KBTBD12: variants seen among roughly 807,000 people sequenced by gnomAD.
The protein encoded by KBTBD12 is kelch repeat and BTB domain-containing protein 12.
Under a neutral mutation model 58.7 loss-of-function variants are expected in KBTBD12, and 53 were observed. The observed-to-expected ratio is 0.90, with a 90% CI of 0.72 to 1.14. KBTBD12 has a LOEUF of 1.14. KBTBD12 is among the 50% of genes most tolerant of loss of function. The pLI is 0.00. For synonymous variants in KBTBD12, 236 were observed against 259.8 expected (o/e 0.91, Z 0.88); for missense variants, 704 against 751.3 (o/e 0.94, Z 0.74).
At chr3:127,970,785 A>G (rs1346941319) in intron 5 of KBTBD12, among the ~76,000 whole-genome samples, 1 of 152,196 alleles carries the variant, frequency 6.6e-6, no homozygotes, top group Non-Finnish European at 1.5e-5. Flanking sequence ...AAATGGAGAA[A>G]GGGTGAATGG....
intron 5 of KBTBD12, among the ~76,000 whole-genome samples, chr3:127,969,238 C>T (rs1227874840): frequency 5.3e-5 from 8 of 151,978 alleles, no homozygotes; most frequent in Admixed American, 5.2e-4. Flanking sequence ...GGGTGCAGGA[C>T]ATAAGACCAT....
intron 5 of KBTBD12, chr3:127,963,606 T>C: frequency 4.2e-6 from 2 of 472,626 alleles, no homozygotes; most frequent in Non-Finnish European, 7.3e-6. Flanking sequence ...AAATGGAATC[T>C]AGTTTACGGC....
chr3:127,979,340 G>A (rs1367723459), intron 5 of KBTBD12, among the ~76,000 whole-genome samples: 2 of 152,146 alleles, frequency 1.3e-5, no homozygotes, highest in Admixed American at 6.5e-5. Context: ...AAGACTTAGT[G>A]CTCCAGGAAG....
intron 5 of KBTBD12, among the ~76,000 whole-genome samples, chr3:127,968,906 A>G (rs1325976081): frequency 6.6e-6 from 1 of 152,224 alleles, no homozygotes; most frequent in African/African-American, 2.4e-5. Flanking sequence ...TGCTATAGAT[A>G]CTTAACAAAC....
intron 4 of KBTBD12, among the ~76,000 whole-genome samples, chr3:127,957,765 G>C (rs1262893032): frequency 6.6e-6 from 1 of 152,236 alleles, no homozygotes; most frequent in Admixed American, 6.5e-5. Flanking sequence ...TGTAGAAAGT[G>C]TTGGGGATAC....
chr3:127,962,609 T>G (rs1406619496), intron 4 of KBTBD12, among the ~76,000 whole-genome samples: 2 of 152,226 alleles, frequency 1.3e-5, no homozygotes, highest in African/African-American at 4.8e-5. Context: ...AGGCACTTAA[T>G]AATTATCTGA....
At position 127,953,341 on chromosome 3, in the gene KBTBD12, ACTTT is replaced by A. The variant is rs570276086; in HGVS notation, c.1493-9844_1493-9841del. Among the ~76,000 whole-genome samples the A allele has an allele frequency of 7.9e-4, 121 of 152,306 alleles. 1 individual carries two copies. The highest frequency in any genetic ancestry group is 2.8e-3 in the African/African-American group (118 of 41,568). On this transcript the variant is annotated intron_variant, in intron 4 of 5. Transcript: ENST00000405109. ...GGGAGTCAAAGGACTGAGTCTTTCT[ACTTT>A]CTTCATTTCCTCCTATTGTAAACAT...
intron 5 of KBTBD12, among the ~76,000 whole-genome samples, chr3:127,978,950 A>G (rs150841471): frequency 1.6e-4 from 25 of 152,186 alleles, no homozygotes; most frequent in African/African-American, 5.8e-4. Flanking sequence ...GTGATCTCAT[A>G]AAGTTGGACG....
intron 1 of KBTBD12, among the ~76,000 whole-genome samples, chr3:127,918,785 G>A (rs755731018): frequency 2.0e-5 from 3 of 152,110 alleles, no homozygotes; most frequent in Non-Finnish European, 2.9e-5. Flanking sequence ...TAGTAGTTTG[G>A]TACTACTCAA....
rs371378709 is a variant in KBTBD12, at chr3:127,917,821, A to G, written c.-113+2235A>G. Among the ~76,000 whole-genome samples, 41 of 152,358 alleles carry G rather than the reference A, an allele frequency of 2.7e-4. 1 individual carries two copies. The highest frequency in any genetic ancestry group is 9.4e-4 in the African/African-American group (39 of 41,582). On this transcript the variant is annotated intron_variant, in intron 1 of 5. Coordinates refer to ENST00000405109, the MANE Select transcript of KBTBD12 (RefSeq NM_207335.4). ...CATGTACAAAACCTAGAGAAAAGTTATCATTAACTTGTAATTTAGGACTAA... is the reference window on the plus strand; with the variant it reads ...CATGTACAAAACCTAGAGAAAAGTTGTCATTAACTTGTAATTTAGGACTAA...
At chr3:127,976,691 C>A (rs1195286057) in intron 5 of KBTBD12, among the ~76,000 whole-genome samples, 1 of 152,168 alleles carries the variant, frequency 6.6e-6, no homozygotes, top group African/African-American at 2.4e-5. Context: ...TCCTGTAAAA[C>A]CATGCAGTTC....
At chr3:127,928,192 A>G (rs1233626670) in intron 3 of KBTBD12, 158 bp downstream of exon 3, 1 of 637,452 alleles carries the variant, frequency 1.6e-6, no homozygotes, top group Non-Finnish European at 2.7e-6. Context: ...TTAAAGTGTT[A>G]AAGCAATTTA....
At chr3:127,950,708 A>C (rs941479840) in intron 4 of KBTBD12, among the ~76,000 whole-genome samples, 2 of 152,132 alleles carry the variant, frequency 1.3e-5, no homozygotes, top group African/African-American at 4.8e-5. Context: ...GGATCAGCTA[A>C]CTCACTCCAC....
chr3:127,937,905 T>G (rs1374849952), intron 4 of KBTBD12, among the ~76,000 whole-genome samples: 2 of 152,196 alleles, frequency 1.3e-5, no homozygotes, highest in Non-Finnish European at 2.9e-5. Context: ...ATTGCATGTT[T>G]AATGTGCTAG....
intron 4 of KBTBD12, among the ~76,000 whole-genome samples, chr3:127,934,099 T>C (rs1414853588): frequency 6.6e-6 from 1 of 152,160 alleles, no homozygotes; most frequent in African/African-American, 2.4e-5. Flanking sequence ...CAATAAAAGT[T>C]GTCTCTGAGT....
Position 127,923,766 on chromosome 3 carries a change from A to T in KBTBD12, c.705A>T (p.Arg235Ser). 6.2e-7 allele frequency: 1 copy of T among 1,613,932 alleles called. No individual in the cohort carries two copies. The highest frequency in any genetic ancestry group is 8.5e-7 in the Non-Finnish European group (1 of 1,179,832). ...CTTCTTTTTTAAGACAAGCCCTAAG[A>T]AGGAACACAATGCTTCTGTGTGATG... Reference protein sequence around the residue: ...VNPSFLRQALRRNTMLLCDAD... With the variant: ...VNPSFLRQALSRNTMLLCDAD... The change falls in exon 2 of 6, where the codon AGA becomes AGT. Residue 235 changes from arginine (R) to serine (S), a missense_variant. Coordinates refer to ENST00000405109, the MANE Select transcript of KBTBD12 (RefSeq NM_207335.4).
At chr3:127,971,976 TTAA>T (rs1431492381) in intron 5 of KBTBD12, among the ~76,000 whole-genome samples, 1 of 152,174 alleles carries the variant, frequency 6.6e-6, no homozygotes, top group Non-Finnish European at 1.5e-5. Context: ...TGGCACAGTC[TTAA>T]TGGTGAAAAG....
chr3:127,932,874 T>G (rs1939737872), intron 4 of KBTBD12, among the ~76,000 whole-genome samples: 1 of 152,162 alleles, frequency 6.6e-6, no homozygotes, highest in Non-Finnish European at 1.5e-5. Context: ...AAGTTTCACT[T>G]AATAGTCATA....
intron 5 of KBTBD12, among the ~76,000 whole-genome samples, chr3:127,967,222 G>A (rs773165893): frequency 1.3e-5 from 2 of 152,302 alleles, no homozygotes; most frequent in African/African-American, 4.8e-5. Flanking sequence ...CCGAAAGAGT[G>A]GCCAGAATAG....
Sources: allele counts gnomAD v4.1 joint callset (sites outside exome capture counted in the v4.1 genomes callset), GRCh38; gene constraint gnomAD v4.1.1; transcripts MANE v1.5; gene names NCBI Gene and HGNC (gene_info 2026-07-23, HGNC 2026-07-21).